GLIS3: variants seen among roughly 807,000 people sequenced by gnomAD.
The protein encoded by GLIS3 is GLIS family zinc finger 3, also known as zinc finger protein GLIS3.
GLIS3 carries 53 observed loss-of-function variants against 78.6 expected under a neutral mutation model. The ratio of observed to expected loss-of-function variants is 0.67; its 90% confidence interval spans 0.54 to 0.85. The LOEUF is 0.85. Among genes scored for constraint, GLIS3 ranks in the 40% least tolerant of loss-of-function variants. The probability of loss-of-function intolerance (pLI) is 0.00; values close to 1 mark genes in which losing one functional copy is unlikely to be tolerated. For missense variants in GLIS3, 1,703 were observed against 1,231.1 expected (o/e 1.38, Z -5.74); for synonymous variants, 684 against 509.9 (o/e 1.34, Z -4.60).
At chr9:4,049,398 C>T (rs1229244968) in intron 4 of GLIS3, among the ~76,000 whole-genome samples, 5 of 152,160 alleles carry the variant, frequency 3.3e-5, no homozygotes, top group Non-Finnish European at 7.3e-5. Flanking sequence ...AATGGGCCAT[C>T]AAGGACCTTG....
chr9:3,845,744 C>T (rs1448592289), intron 9 of GLIS3, among the ~76,000 whole-genome samples: 6 of 152,164 alleles, frequency 3.9e-5, no homozygotes, highest in Non-Finnish European at 7.3e-5. Flanking sequence ...CGCACGCACA[C>T]ACACACCCAC....
intron 2 of GLIS3, among the ~76,000 whole-genome samples, chr9:4,334,464 T>G (rs571763391): frequency 1.3e-5 from 2 of 152,322 alleles, no homozygotes; most frequent in East Asian, 3.9e-4. Flanking sequence ...GAAACAATTG[T>G]AGTGCAAATG....
chr9:4,117,754 C>T lies in GLIS3; in HGVS notation c.1710+14G>A. On this transcript the variant is annotated intron_variant, in intron 4 of 10. Coordinates refer to ENST00000381971, the MANE Select transcript of GLIS3 (RefSeq NM_001042413.2). ...CCTTCAAGAGAGGTCACCCCTTGCG[C>T]TTCGGAAACTCACCGTACACTTGTT... The T allele has an allele frequency of 6.2e-7, 1 of 1,614,184 alleles. No homozygotes were observed. The highest frequency in any genetic ancestry group is 8.5e-7 in the Non-Finnish European group (1 of 1,180,034).
chr9:3,886,331 G>C (rs1297434532), intron 7 of GLIS3, among the ~76,000 whole-genome samples: 1 of 151,942 alleles, frequency 6.6e-6, no homozygotes, highest in Non-Finnish European at 1.5e-5. Context: ...AATCCTCAAG[G>C]GTTAAAATGT....
chr9:4,418,751 G>A, the GLIS3 span, among the ~76,000 whole-genome samples: 2 of 152,120 alleles, frequency 1.3e-5, no homozygotes, highest in African/African-American at 2.4e-5. Context: ...TCCAGAATTG[G>A]AGGGAGGAAA....
intron 2 of GLIS3, among the ~76,000 whole-genome samples, chr9:4,326,981 C>T (rs1233478487): frequency 2.6e-5 from 4 of 152,176 alleles, no homozygotes; most frequent in Non-Finnish European, 4.4e-5. Context: ...TGTGCTGACA[C>T]TAGGGGTACA....
chr9:4,240,669 G>A (rs187065468), intron 2 of GLIS3, among the ~76,000 whole-genome samples: 12 of 152,190 alleles, frequency 7.9e-5, no homozygotes, highest in African/African-American at 2.9e-4. Flanking sequence ...AATACAAGTT[G>A]GAATCCTAAA....
At chr9:4,276,223 C>A (rs1826963474) in intron 2 of GLIS3, among the ~76,000 whole-genome samples, 1 of 148,168 alleles carries the variant, frequency 6.7e-6, no homozygotes, top group Non-Finnish European at 1.5e-5. Flanking sequence ...GTGGAGGTTG[C>A]AGTGAGCCCA....
intron 9 of GLIS3, among the ~76,000 whole-genome samples, chr9:3,850,024 G>A (rs2130168571): frequency 6.6e-6 from 1 of 152,322 alleles, no homozygotes; most frequent in East Asian, 1.9e-4. Context: ...CTGCACAAAT[G>A]TGTATTAAAA....
Position 4,286,506 on chromosome 9 carries a change from A to G in GLIS3, c.-81T>C, listed in dbSNP as rs1012475742. On this transcript the variant is annotated 5_prime_UTR_variant, in exon 2 of 11. An upstream start codon of the reference 5' UTR is lost. Coordinates refer to ENST00000381971, the MANE Select transcript of GLIS3 (RefSeq NM_001042413.2). The stretch of plus-strand genomic sequence containing the variant: ...TCAGGCAAAGTCCAATAAGTTATCC[A>G]TGGTGTGGGTTATAAGCCTGTTTAA... The G allele has an allele frequency of 4.6e-6, 7 of 1,532,912 alleles. No individual in the cohort carries two copies. In the African/African-American group the frequency reaches 5.4e-5, roughly 12 times the overall value. 95.0% of individuals were successfully genotyped at this position (1,532,912 alleles called of 1,614,324 possible).
intron 4 of GLIS3, among the ~76,000 whole-genome samples, chr9:4,076,969 G>A (rs935103424): frequency 6.6e-6 from 1 of 152,196 alleles, no homozygotes; most frequent in African/African-American, 2.4e-5. Context: ...TGAGGTGGGA[G>A]GATGGCTTGA....
intron 7 of GLIS3, among the ~76,000 whole-genome samples, chr9:3,889,570 TCTC>T (rs1460189831): frequency 6.6e-6 from 1 of 152,196 alleles, no homozygotes; most frequent in African/African-American, 2.4e-5. Flanking sequence ...TATAATACAT[TCTC>T]CTCTTTAATT....
chr9:4,071,433 A>G (rs1827602105), intron 4 of GLIS3: 1 of 152,204 alleles, frequency 6.6e-6, no homozygotes, highest in African/African-American at 2.4e-5. Flanking sequence ...CAAACTAAAC[A>G]CTAACTTTGC....
chr9:4,176,859 G>A (rs554540473), intron 2 of GLIS3, among the ~76,000 whole-genome samples: 3 of 152,326 alleles, frequency 2.0e-5, no homozygotes, highest in Admixed American at 2.0e-4. Context: ...CCTGACCTCA[G>A]GTGATCCGCC....
intron 2 of GLIS3, chr9:4,144,994 T>A (rs559665312): frequency 6.6e-6 from 1 of 152,356 alleles, no homozygotes; most frequent in East Asian, 1.9e-4. Flanking sequence ...GCAGTGTCCT[T>A]TTGTTTTTAA....
At chr9:4,291,108 T>C (rs1815935542) in intron 1 of GLIS3, among the ~76,000 whole-genome samples, 1 of 152,154 alleles carries the variant, frequency 6.6e-6, no homozygotes, top group African/African-American at 2.4e-5. Context: ...ATAACTAGAA[T>C]GTATAGACCT....
At chr9:4,414,569 C>T in the GLIS3 span, among the ~76,000 whole-genome samples, 3 of 152,150 alleles carry the variant, frequency 2.0e-5, no homozygotes, top group African/African-American at 4.8e-5. Flanking sequence ...ATCCTGCCTG[C>T]TTCAGGATTG....
intron 2 of GLIS3, among the ~76,000 whole-genome samples, chr9:4,157,309 T>C (rs1835113329): frequency 6.6e-6 from 1 of 152,120 alleles, no homozygotes. Context: ...TGGTGTGACT[T>C]ACAGTGAACA....
chr9:4,145,470 G>C (rs1350831867), intron 2 of GLIS3, among the ~76,000 whole-genome samples: 1 of 152,130 alleles, frequency 6.6e-6, no homozygotes, highest in African/African-American at 2.4e-5. Flanking sequence ...ACAACCAATT[G>C]ATTGGAACAA....
Sources: allele counts gnomAD v4.1 joint callset (sites outside exome capture counted in the v4.1 genomes callset), GRCh38; gene constraint gnomAD v4.1.1; transcripts MANE v1.5; gene names NCBI Gene and HGNC (gene_info 2026-07-23, HGNC 2026-07-21).